Variants in XXYLT1 observed in about 807,000 individuals in gnomAD.
The protein encoded by XXYLT1 is UDP-xylose:alpha-xyloside alpha-1,3-xylosyltransferase.
XXYLT1 carries 20 observed loss-of-function variants against 28.9 expected under a neutral mutation model. The observed-to-expected ratio is 0.69, with a 90% CI of 0.49 to 1.00. The LOEUF is 1.00. XXYLT1 is among the 50% of genes least tolerant of loss of function. XXYLT1 has a pLI of 0.00. For missense variants in XXYLT1, 542 were observed against 560.1 expected, an observed-to-expected ratio of 0.97 and a Z score of 0.33; for synonymous variants, 257 against 253.8, an observed-to-expected ratio of 1.01 and a Z score of -0.12.
intron 3 of XXYLT1, chr3:195,095,841 G>A (rs994238778): frequency 6.6e-6 from 1 of 152,194 alleles, no homozygotes; most frequent in Non-Finnish European, 1.5e-5. Flanking sequence ...TGAGTAAGGT[G>A]CTTTCAGAGG....
chr3:195,083,094 G>A (rs1418318216), intron 3 of XXYLT1, among the ~76,000 whole-genome samples: 5 of 152,202 alleles, frequency 3.3e-5, no homozygotes, highest in Admixed American at 6.5e-5. Flanking sequence ...AAACAGGATA[G>A]AGCGCCCGGC....
At chr3:195,223,985 C>T (rs1345429925) in intron 2 of XXYLT1, among the ~76,000 whole-genome samples, 13 of 152,048 alleles carry the variant, frequency 8.5e-5, no homozygotes, top group East Asian at 3.9e-4. Context: ...GGAGAAACTC[C>T]GTCTCTACTA....
At chr3:195,143,784 T>TATATATA (rs1719611770) in intron 3 of XXYLT1, among the ~76,000 whole-genome samples, 1 of 113,958 alleles carries the variant, frequency 8.8e-6, no homozygotes, top group Non-Finnish European at 1.7e-5. Flanking sequence ...TGTTCTCTCA[T>TATATATA]TATATATATA....
intron 3 of XXYLT1, among the ~76,000 whole-genome samples, chr3:195,118,765 G>A (rs372704278): frequency 7.9e-5 from 12 of 152,164 alleles, no homozygotes; most frequent in South Asian, 4.1e-4. Flanking sequence ...AGTTGACAGC[G>A]CCAATCCCAG....
At position 195,115,573 on chromosome 3, in the gene XXYLT1, C is replaced by T. The variant is rs905091856; in HGVS notation, c.785+40876G>A. 6.6e-6 allele frequency among the ~76,000 whole-genome samples: 1 copy of T among 152,180 alleles called. No homozygotes were observed. The highest frequency in any genetic ancestry group is 2.1e-4 in the South Asian group (1 of 4,826). On this transcript the variant is annotated intron_variant, in intron 3 of 3. Transcript: ENST00000310380. The surrounding 1 kb of genome is among the most constrained non-coding windows in gnomAD (Gnocchi z 4.2). ...GGTTGATAAACCCTGCCTGGCAAAC[C>T]GAGCACGCGTGAAGGCCTCAGGAGC...
chr3:195,109,301 C>G (rs1717322901), intron 3 of XXYLT1, among the ~76,000 whole-genome samples: 1 of 152,150 alleles, frequency 6.6e-6, no homozygotes, highest in Admixed American at 6.5e-5. Flanking sequence ...CTCGAGAAGG[C>G]GGAATAACCA....
chr3:195,228,255 C>T (rs1183484961), intron 1 of XXYLT1, among the ~76,000 whole-genome samples: 1 of 150,460 alleles, frequency 6.6e-6, no homozygotes. Flanking sequence ...CCCTGACTGC[C>T]CTGTTTACAC....
At chr3:195,175,796 G>T in intron 2 of XXYLT1, 1 of 1,476,906 alleles carries the variant, frequency 6.8e-7, no homozygotes, top group South Asian at 1.3e-5. Flanking sequence ...TCCAGATGGC[G>T]TCGTTACAGG....
intron 1 of XXYLT1, among the ~76,000 whole-genome samples, chr3:195,244,761 C>CAAAA (rs869207427): frequency 1.5e-4 from 4 of 26,536 alleles, no homozygotes; most frequent in East Asian, 1.2e-3. Context: ...GACTCTGTCT[C>CAAAA]AAAAAAAAAA....
At position 195,173,089 on chromosome 3, in the gene XXYLT1, C is replaced by G. The variant is rs1721490221; in HGVS notation, c.653-16508G>C. On this transcript the variant is annotated intron_variant, in intron 2 of 3. Coordinates refer to ENST00000310380, the MANE Select transcript of XXYLT1 (RefSeq NM_152531.5). This position sits in a 1 kb window ranked among gnomAD's most constrained non-coding sequence, Gnocchi z 4.3. Reference sequence around the variant, plus strand: ...ACTTGGCACCTCTCCATGCCTCTACCCTGATCCTGGCGTCCTGGTACACAT... The same window carrying G: ...ACTTGGCACCTCTCCATGCCTCTACGCTGATCCTGGCGTCCTGGTACACAT... 6.6e-6 allele frequency among the ~76,000 whole-genome samples: 1 copy of G among 152,178 alleles called. No individual in the cohort carries two copies. The highest frequency in any genetic ancestry group is 2.4e-5 in the African/African-American group (1 of 41,434).
At chr3:195,270,128 T>C in intron 1 of XXYLT1, 1 of 376,888 alleles carries the variant, frequency 2.7e-6, no homozygotes, top group Non-Finnish European at 5.2e-6. Context: ...CTTCAACACT[T>C]CCAGAGGCCT....
chr3:195,103,026 G>A (rs1424755287), intron 3 of XXYLT1, among the ~76,000 whole-genome samples: 1 of 152,190 alleles, frequency 6.6e-6, no homozygotes, highest in Non-Finnish European at 1.5e-5. Flanking sequence ...GGTGTGAAGT[G>A]AGAATGACTG....
intron 2 of XXYLT1, among the ~76,000 whole-genome samples, chr3:195,169,867 A>ATTTTTTTTTTTTT (rs1392441054): frequency 1.1e-4 from 14 of 124,448 alleles, no homozygotes; most frequent in African/African-American, 5.1e-4. Flanking sequence ...ATATATATAT[A>ATTTTTTTTTTTTT]TATTTTTTTT....
intron 2 of XXYLT1, among the ~76,000 whole-genome samples, chr3:195,160,856 C>T (rs576388329): frequency 2.0e-5 from 3 of 152,340 alleles, no homozygotes; most frequent in South Asian, 2.1e-4. Context: ...TTGGAATTGG[C>T]GGTGGTGGAT....
chr3:195,205,723 T>C (rs1723042225), intron 2 of XXYLT1, among the ~76,000 whole-genome samples: 1 of 151,828 alleles, frequency 6.6e-6, no homozygotes, highest in Non-Finnish European at 1.5e-5. Context: ...ATTAGCCAAA[T>C]GTGGTGGCAG....
At chr3:195,212,637 A>C (rs1723373973) in intron 2 of XXYLT1, among the ~76,000 whole-genome samples, 1 of 152,104 alleles carries the variant, frequency 6.6e-6, no homozygotes, top group Admixed American at 6.5e-5. Flanking sequence ...CACAAACCCT[A>C]CTGTGAACTG....
At chr3:195,094,661 C>T (rs924710636) in intron 3 of XXYLT1, 3 of 153,844 alleles carry the variant, frequency 2.0e-5, no homozygotes, top group African/African-American at 4.8e-5. Flanking sequence ...TCCCTGGATG[C>T]GGGTGCTCGA....
chr3:195,085,305 C>T (rs1715658047), intron 3 of XXYLT1, among the ~76,000 whole-genome samples: 1 of 152,224 alleles, frequency 6.6e-6, no homozygotes, highest in Non-Finnish European at 1.5e-5. Flanking sequence ...GGAATGGTGA[C>T]TCAGTACCAG....
chr3:195,239,470 C>G (rs917943071), intron 1 of XXYLT1, among the ~76,000 whole-genome samples: 6 of 152,100 alleles, frequency 3.9e-5, no homozygotes, highest in Non-Finnish European at 8.8e-5. Flanking sequence ...ACCTGGGAAA[C>G]CAGGAATATA....
Sources: gnomAD v4.1 joint callset for allele counts (sites outside exome capture counted in the v4.1 genomes callset) on GRCh38, gnomAD v4.1.1 for gene constraint, Gnocchi (gnomAD v3.1) non-coding constraint, MANE v1.5 for transcripts, NCBI Gene and HGNC (gene_info 2026-07-23, HGNC 2026-07-21) for gene names.